GABRG3: variants seen among roughly 807,000 people sequenced by gnomAD.
GABRG3 encodes the protein gamma-aminobutyric acid type A receptor subunit gamma3.
A neutral mutation model predicts 48.8 loss-of-function variants in GABRG3; 25 were observed. The observed-to-expected ratio is 0.51, with a 90% CI of 0.37 to 0.72. GABRG3 has a LOEUF of 0.72. GABRG3 is among the 30% of genes least tolerant of loss of function. The probability of loss-of-function intolerance (pLI) is 0.00; values close to 1 mark genes in which losing one functional copy is unlikely to be tolerated. For missense variants in GABRG3, 394 were observed against 577.9 expected (o/e 0.68, Z 3.26); for synonymous variants, 227 against 217.6 (o/e 1.04, Z -0.38).
chr15:27,168,415 A>C (rs1887452578), intron 3 of GABRG3, among the ~76,000 whole-genome samples: 1 of 152,220 alleles, frequency 6.6e-6, no homozygotes, highest in Admixed American at 6.5e-5. Context: ...GAAGGGCACA[A>C]CGTTCAGTTG....
In GABRG3 at chr15:27,493,335, C is replaced by A. The variant is rs181783694; in HGVS notation, c.712+12548C>A. Among the ~76,000 whole-genome samples the A allele has an allele frequency of 4.3e-4, 65 of 152,036 alleles. No individual in the cohort carries two copies. In the East Asian group the frequency reaches 0.012, roughly 27 times the overall value. On this transcript the variant is annotated intron_variant, in intron 6 of 9. Transcript: ENST00000615808. ...ATTTTTTTTTTAAAAAACTTAAATT[C>A]TATCTCCTAGTAAAGATCACAGCTA...
intron 3 of GABRG3, among the ~76,000 whole-genome samples, chr15:27,051,986 A>T (rs1020594289): frequency 1.6e-4 from 24 of 152,254 alleles, no homozygotes; most frequent in African/African-American, 5.8e-4. Flanking sequence ...GCTGCCACTG[A>T]TCTGACAGGA....
chr15:27,241,328 C>G (rs1595606964), intron 3 of GABRG3, among the ~76,000 whole-genome samples: 2 of 152,290 alleles, frequency 1.3e-5, no homozygotes, highest in Admixed American at 6.5e-5. Flanking sequence ...TTCTTTGTTT[C>G]CTCCTGTATT....
At chr15:27,003,496 C>G (rs1332410680) in intron 2 of GABRG3, among the ~76,000 whole-genome samples, 1 of 151,972 alleles carries the variant, frequency 6.6e-6, no homozygotes, top group African/African-American at 2.4e-5. Context: ...CCATTTAACC[C>G]TGAGTGGACA....
At chr15:27,262,957 A>G (rs1890811124) in intron 3 of GABRG3, among the ~76,000 whole-genome samples, 1 of 152,176 alleles carries the variant, frequency 6.6e-6, no homozygotes, top group African/African-American at 2.4e-5. Flanking sequence ...TACTATATTG[A>G]TTTGGCACAG....
rs1052610566 is a variant in GABRG3, at chr15:27,074,098, A to G, written c.270+47277A>G. ...GGAAGACAGAAAAGGGAGAACCCTA[A>G]TAAGACCATCAGATCTCTTGAGACT... On this transcript the variant is annotated intron_variant, in intron 3 of 9. Transcript: ENST00000615808. Among the ~76,000 whole-genome samples, 3 of 152,172 alleles carry G rather than the reference A, an allele frequency of 2.0e-5. No individual in the cohort carries two copies. The East Asian group carries it at 5.8e-4, about 29-fold the overall frequency.
chr15:26,984,568 C>G (rs1895116807), intron 2 of GABRG3, among the ~76,000 whole-genome samples: 3 of 152,100 alleles, frequency 2.0e-5, no homozygotes, highest in Non-Finnish European at 4.4e-5. Flanking sequence ...TTTATCCATC[C>G]TTTTAAGTAA....
At chr15:27,453,168 G>A (rs1448407534) in intron 5 of GABRG3, among the ~76,000 whole-genome samples, 1 of 152,142 alleles carries the variant, frequency 6.6e-6, no homozygotes, top group Non-Finnish European at 1.5e-5. Context: ...TGGTCAAACT[G>A]TACAAAACTT....
chr15:27,236,799 A>G lies in GABRG3; in HGVS notation c.271-90010A>G, dbSNP rs974916799. On this transcript the variant is annotated intron_variant, in intron 3 of 9. Transcript: ENST00000615808. This position sits in a 1 kb window ranked among gnomAD's most constrained non-coding sequence, Gnocchi z 4.4. The stretch of plus-strand genomic sequence containing the variant: ...CTGCCATTTTTTTAACATGGGTCCC[A>G]TGAAGAGGCATGAAGCGCAATTGCA... Among the ~76,000 whole-genome samples the G allele has an allele frequency of 6.6e-6, 1 of 152,212 alleles. No individual in the cohort carries two copies. The highest frequency in any genetic ancestry group is 1.5e-5 in the Non-Finnish European group (1 of 68,038).
At chr15:27,075,792 A>G (rs1376154905) in intron 3 of GABRG3, among the ~76,000 whole-genome samples, 2 of 152,160 alleles carry the variant, frequency 1.3e-5, no homozygotes, top group Non-Finnish European at 2.9e-5. Flanking sequence ...GGTGGGGGTG[A>G]GACTTGTGCT....
In GABRG3 at chr15:26,977,440, T is replaced by C. The variant is rs537921739; in HGVS notation, c.202+290T>C. On this transcript the variant is annotated intron_variant, in intron 2 of 9. Transcript: ENST00000615808. ...CCGAAAGTGGATCTCGTATCACCTCTTGCTATCCCTTTACTGTCACATCTG... is the reference window on the plus strand; with the variant it reads ...CCGAAAGTGGATCTCGTATCACCTCCTGCTATCCCTTTACTGTCACATCTG... Among the ~76,000 whole-genome samples the C allele has an allele frequency of 5.9e-5, 9 of 152,302 alleles. No homozygotes were observed. The South Asian group carries it at 1.7e-3, about 28-fold the overall frequency.
At chr15:27,159,841 G>A (rs1898533352) in intron 3 of GABRG3, among the ~76,000 whole-genome samples, 4 of 152,138 alleles carry the variant, frequency 2.6e-5, no homozygotes, top group Admixed American at 2.0e-4. Flanking sequence ...GATTATGTTT[G>A]TCCAGAAGGC....
intron 3 of GABRG3, among the ~76,000 whole-genome samples, chr15:27,323,002 C>A (rs1470472482): frequency 6.6e-6 from 1 of 152,116 alleles, no homozygotes; most frequent in Non-Finnish European, 1.5e-5. Context: ...TTCCATCCAG[C>A]TCTGTGTTCT....
intron 2 of GABRG3, among the ~76,000 whole-genome samples, chr15:26,999,344 T>C (rs1376233098): frequency 1.3e-5 from 2 of 152,148 alleles, no homozygotes; most frequent in African/African-American, 4.8e-5. Context: ...TGGATTTTGA[T>C]ATAGACAGAA....
chr15:27,020,027 T>C (rs947893432), intron 2 of GABRG3, among the ~76,000 whole-genome samples: 69 of 152,208 alleles, frequency 4.5e-4, no homozygotes, highest in Admixed American at 2.3e-3. Flanking sequence ...AAAAATTTAC[T>C]GAGCACCCAC....
chr15:27,301,453 T>C (rs1320930067), intron 3 of GABRG3, among the ~76,000 whole-genome samples: 2 of 152,168 alleles, frequency 1.3e-5, no homozygotes, highest in East Asian at 1.9e-4. Flanking sequence ...TAGTTTTTCC[T>C]ATTACTAAAA....
intron 5 of GABRG3, among the ~76,000 whole-genome samples, chr15:27,387,936 GAAGGA>G (rs1895988564): frequency 1.5e-5 from 1 of 64,582 alleles, no homozygotes; most frequent in Non-Finnish European, 3.3e-5. Flanking sequence ...GGGAGGGAGG[GAAGGA>G]GGGAAAGAGG....
chr15:27,046,003 A>G (rs1306638476), intron 3 of GABRG3, among the ~76,000 whole-genome samples: 1 of 152,216 alleles, frequency 6.6e-6, no homozygotes, highest in Non-Finnish European at 1.5e-5. Flanking sequence ...GGAACTGCAG[A>G]GAGCTCCGAG....
At chr15:27,112,329 A>G (rs1897566066) in intron 3 of GABRG3, among the ~76,000 whole-genome samples, 1 of 152,130 alleles carries the variant, frequency 6.6e-6, no homozygotes, top group Non-Finnish European at 1.5e-5. Context: ...GTAAAGCAGG[A>G]GTAACAACAT....
Sources: gnomAD v4.1 joint callset for allele counts (sites outside exome capture counted in the v4.1 genomes callset) on GRCh38, gnomAD v4.1.1 for gene constraint, Gnocchi (gnomAD v3.1) non-coding constraint, MANE v1.5 for transcripts, NCBI Gene and HGNC (gene_info 2026-07-23, HGNC 2026-07-21) for gene names.